Variants in CFAP221 observed in about 807,000 individuals in gnomAD.
CFAP221 encodes cilia and flagella associated protein 221.
Under a neutral mutation model 113.1 loss-of-function variants are expected in CFAP221, and 97 were observed. That is an observed-to-expected ratio of 0.86 (90% CI 0.73 to 1.02). The LOEUF (loss-of-function observed/expected upper bound fraction) is 1.02, where lower values mean the gene tolerates loss of function less well. Ranked by LOEUF, CFAP221 falls within the 50% of genes least tolerant of loss-of-function variation. The pLI is 0.00. For synonymous variants in CFAP221, 331 were observed against 354.4 expected (o/e 0.93, Z 0.74); for missense variants, 1,025 against 1,013.4 (o/e 1.01, Z -0.16).
At position 119,601,253 on chromosome 2, in the gene CFAP221, A is replaced by G; in HGVS notation, c.667A>G (p.Ile223Val). 1.3e-6 allele frequency: 2 copies of G among 1,532,958 alleles called. No homozygotes were observed. The highest frequency in any genetic ancestry group is 2.4e-5 in the South Asian group (2 of 83,490). 95.0% of individuals were successfully genotyped at this position (1,532,958 alleles called of 1,614,324 possible). The change falls in exon 8 of 24, where the codon ATT becomes GTT. Residue 223 changes from isoleucine (I) to valine (V), a missense_variant. Ile to Val is a conservative substitution (Grantham distance 29). Coordinates refer to ENST00000413369, the MANE Select transcript of CFAP221 (RefSeq NM_001271049.2). ...IPANGKMTVT[I>V]KFTPFQYGTA... Reference sequence around the variant, plus strand: ...GGCTAATGGGAAGATGACTGTGACTATTAAGTTTACACCCTTTCAGTATGG... The same window carrying G: ...GGCTAATGGGAAGATGACTGTGACTGTTAAGTTTACACCCTTTCAGTATGG...
intron 7 of CFAP221, among the ~76,000 whole-genome samples, chr2:119,598,113 T>C (rs1287653392): frequency 2.6e-5 from 4 of 152,206 alleles, no homozygotes; most frequent in Non-Finnish European, 5.9e-5. Flanking sequence ...TCTGTACTTT[T>C]TGAGATCTTT....
chr2:119,608,829 C>A (rs548329414), intron 12 of CFAP221, among the ~76,000 whole-genome samples: 1 of 152,200 alleles, frequency 6.6e-6, no homozygotes, highest in African/African-American at 2.4e-5. Flanking sequence ...TGGAATGCTT[C>A]CTGGAAGACA....
At chr2:119,627,409 AT>A (rs1686387819) in intron 15 of CFAP221, among the ~76,000 whole-genome samples, 1 of 151,850 alleles carries the variant, frequency 6.6e-6, no homozygotes, top group Non-Finnish European at 1.5e-5. Context: ...TCTTTGCTTA[AT>A]TCATCAGAAA....
At chr2:119,601,105 T>C in intron 7 of CFAP221, 113 bp from the exon 8 acceptor site, 1 of 1,073,956 alleles carries the variant, frequency 9.3e-7, no homozygotes, top group Non-Finnish European at 1.3e-6. Flanking sequence ...GGGGAGTCAG[T>C]GCCCCTAATC....
At chr2:119,643,805 A>G (rs1261051675) in intron 21 of CFAP221, among the ~76,000 whole-genome samples, 1 of 151,944 alleles carries the variant, frequency 6.6e-6, no homozygotes, top group African/African-American at 2.4e-5. Flanking sequence ...TCAGCCTCCC[A>G]AAGTGCTGGG....
At chr2:119,591,294 A>G (rs940008270) in intron 7 of CFAP221, among the ~76,000 whole-genome samples, 3 of 152,212 alleles carry the variant, frequency 2.0e-5, no homozygotes, top group Admixed American at 2.0e-4. Context: ...ATGAGATGCA[A>G]ATGAGTTCCC....
intron 16 of CFAP221, 39 bp downstream of exon 16, chr2:119,627,825 A>T: frequency 1.9e-6 from 3 of 1,610,226 alleles, no homozygotes; most frequent in Non-Finnish European, 2.5e-6. Context: ...AGTGGACATG[A>T]TCATGATCGT....
intron 2 of CFAP221, among the ~76,000 whole-genome samples, 185 bp downstream of exon 2, chr2:119,546,455 G>T (rs1218568678): frequency 6.6e-6 from 1 of 152,072 alleles, no homozygotes; most frequent in Non-Finnish European, 1.5e-5. Context: ...GGTTTTTGTG[G>T]GGTATGTAAA....
chr2:119,594,647 A>G (rs1275582811), intron 7 of CFAP221, among the ~76,000 whole-genome samples: 1 of 152,200 alleles, frequency 6.6e-6, no homozygotes, highest in African/African-American at 2.4e-5. Context: ...GTGGTGTTCT[A>G]TTCAGCACTC....
chr2:119,623,514 C>T (rs1257932640), intron 14 of CFAP221, among the ~76,000 whole-genome samples: 1 of 152,160 alleles, frequency 6.6e-6, no homozygotes, highest in African/African-American at 2.4e-5. Flanking sequence ...TAGAAAAAAA[C>T]TACTTTAAAT....
At chr2:119,617,532 C>A (rs1446210090) in intron 14 of CFAP221, among the ~76,000 whole-genome samples, 1 of 152,216 alleles carries the variant, frequency 6.6e-6, no homozygotes, top group Non-Finnish European at 1.5e-5. Context: ...GCCTTCCAGC[C>A]TGAAAAAGGG....
chr2:119,638,742 T>C (rs1317006579), intron 20 of CFAP221, among the ~76,000 whole-genome samples: 2 of 152,108 alleles, frequency 1.3e-5, no homozygotes, highest in African/African-American at 4.8e-5. Flanking sequence ...TGGTCTGACC[T>C]CCTCTCTCTT....
intron 14 of CFAP221, among the ~76,000 whole-genome samples, chr2:119,619,506 A>G (rs1223593051): frequency 6.6e-6 from 1 of 152,210 alleles, no homozygotes; most frequent in African/African-American, 2.4e-5. Context: ...CCTGACTGTT[A>G]GAAGGAAAAC....
chr2:119,634,304 G>A (rs1012744734), intron 19 of CFAP221, among the ~76,000 whole-genome samples: 1 of 151,764 alleles, frequency 6.6e-6, no homozygotes, highest in Non-Finnish European at 1.5e-5. Context: ...ACAAGACACT[G>A]TTTCTACAAA....
At chr2:119,554,363 G>C (rs1255297779) in intron 3 of CFAP221, among the ~76,000 whole-genome samples, 1 of 152,072 alleles carries the variant, frequency 6.6e-6, no homozygotes, top group Non-Finnish European at 1.5e-5. Flanking sequence ...AATGGTCCCT[G>C]GTTTTCTCAA....
chr2:119,565,954 T>TA (rs1446537328), intron 6 of CFAP221, among the ~76,000 whole-genome samples: 1 of 152,224 alleles, frequency 6.6e-6, no homozygotes, highest in Non-Finnish European at 1.5e-5. Flanking sequence ...AACAAACCTT[T>TA]ATTGAATGCC....
At chr2:119,579,198 T>G (rs181596777) in intron 6 of CFAP221, among the ~76,000 whole-genome samples, 3 of 152,160 alleles carry the variant, frequency 2.0e-5, no homozygotes, top group Non-Finnish European at 4.4e-5. Context: ...AGCACTAACA[T>G]GTACTTGCCT....
At chr2:119,649,626 C>T (rs890395480) in intron 22 of CFAP221, among the ~76,000 whole-genome samples, 12 of 152,282 alleles carry the variant, frequency 7.9e-5, no homozygotes, top group African/African-American at 2.4e-4. Context: ...GATGCAGTCT[C>T]GTCTGCATGT....
At chr2:119,635,211 G>A (rs972795164) in intron 19 of CFAP221, among the ~76,000 whole-genome samples, 1 of 152,188 alleles carries the variant, frequency 6.6e-6, no homozygotes, top group East Asian at 1.9e-4. Flanking sequence ...TGGTGGGAAT[G>A]TAAAATGGTA....
Sources: allele counts gnomAD v4.1 joint callset (sites outside exome capture counted in the v4.1 genomes callset), GRCh38; gene constraint gnomAD v4.1.1; transcripts MANE v1.5; gene names NCBI Gene and HGNC (gene_info 2026-07-23, HGNC 2026-07-21).